The following STEAP3 variants were observed in gnomAD, a reference collection of about 807,000 sequenced individuals.
STEAP3 encodes STEAP3 metalloreductase.
In STEAP3, 35 loss-of-function variants were observed where a neutral mutation model predicts 34.9. The observed-to-expected ratio is 1.00, with a 90% CI of 0.76 to 1.33. The LOEUF is 1.33. Ranked by LOEUF, STEAP3 falls within the 40% of genes most tolerant of loss-of-function variation. STEAP3 has a pLI of 0.00. For synonymous variants in STEAP3, 281 were observed against 301.6 expected (o/e 0.93, Z 0.71); for missense variants, 652 against 667.6 (o/e 0.98, Z 0.26).
chr2:119,235,870 C>T (rs1038819073), intron 2 of STEAP3, among the ~76,000 whole-genome samples: 1 of 152,114 alleles, frequency 6.6e-6, no homozygotes. Flanking sequence ...ACCAGCATCC[C>T]CTAGAGGGCT....
Position 119,235,454 on chromosome 2 carries a change from G to A in STEAP3, c.22+4420G>A, listed in dbSNP as rs545352567. On this transcript the variant is annotated intron_variant, in intron 2 of 5. Coordinates refer to ENST00000393110, the MANE Select transcript of STEAP3 (RefSeq NM_182915.3). ...AAAACTGAGTTGCTCTTGCATGCAA[G>A]TGAGTGGTTAGTTCATTGACTCCGT... Among the ~76,000 whole-genome samples the A allele has an allele frequency of 1.9e-4, 29 of 152,378 alleles. No homozygotes were observed. The South Asian group carries it at 5.6e-3, about 29-fold the overall frequency.
At position 119,248,103 on chromosome 2, in the gene STEAP3, G is replaced by T; in HGVS notation, c.947G>T (p.Gly316Val). The change falls in exon 4 of 6, where the codon GGG (glycine) becomes GTG (valine). Residue 316 changes from glycine to valine, a missense_variant. Coordinates refer to ENST00000393110, the MANE Select transcript of STEAP3 (RefSeq NM_182915.3). ...TGGCTACAGCACCGCAAGCAGATCG[G>T]GCTGCTCAGCTTCTTCTGCGCCGCC... ...DHWLQHRKQI[G>V]LLSFFCAALH... 1 of 1,608,648 alleles carries T rather than the reference G, an allele frequency of 6.2e-7. No individual in the cohort carries two copies. The highest frequency in any genetic ancestry group is 8.5e-7 in the Non-Finnish European group (1 of 1,179,906).
At chr2:119,261,999 G>A (rs1429218071) in intron 5 of STEAP3, among the ~76,000 whole-genome samples, 2 of 152,180 alleles carry the variant, frequency 1.3e-5, no homozygotes, top group East Asian at 3.9e-4. Flanking sequence ...GCCCAGCGGG[G>A]TTTCCACCCG....
intron 5 of STEAP3, among the ~76,000 whole-genome samples, chr2:119,256,485 G>T (rs1346240074): frequency 1.3e-5 from 2 of 152,070 alleles, no homozygotes; most frequent in East Asian, 1.9e-4. Context: ...TCACCAGAAA[G>T]CCGCTCCCTT....
In STEAP3 at chr2:119,245,993, G is replaced by T; in HGVS notation, c.522+5G>T. The T allele has an allele frequency of 3.1e-6, 5 of 1,608,222 alleles. No individual in the cohort carries two copies. The highest frequency in any genetic ancestry group is 4.3e-6 in the Non-Finnish European group (5 of 1,176,382). On this transcript the variant is annotated splice_donor_5th_base_variant and intron_variant, in intron 3 of 5. Transcript: ENST00000393110. The stretch of plus-strand genomic sequence containing the variant: ...CCAAGGGATGGTAACAGGCAGGTAG[G>T]TTCTGGGGGAATAATACCCATCGTA...
intron 1 of STEAP3, among the ~76,000 whole-genome samples, chr2:119,228,355 T>C (rs1400482964): frequency 2.6e-5 from 4 of 152,098 alleles, no homozygotes; most frequent in Non-Finnish European, 5.9e-5. Context: ...CTTGCTGGCA[T>C]CCAGGGGGGC....
At chr2:119,226,614 T>C (rs147283929) in intron 1 of STEAP3, among the ~76,000 whole-genome samples, 2 of 152,126 alleles carry the variant, frequency 1.3e-5, no homozygotes, top group African/African-American at 2.4e-5. Context: ...TTTTCAAACA[T>C]TGGGCTACAG....
chr2:119,226,847 C>T (rs1325587531), intron 1 of STEAP3, among the ~76,000 whole-genome samples: 2 of 152,144 alleles, frequency 1.3e-5, no homozygotes, highest in Non-Finnish European at 2.9e-5. Context: ...TCATTTGTAC[C>T]TGGAGACTCT....
chr2:119,232,614 A>G (rs566270439), intron 2 of STEAP3, among the ~76,000 whole-genome samples: 1 of 152,318 alleles, frequency 6.6e-6, no homozygotes, highest in Non-Finnish European at 1.5e-5. Flanking sequence ...TTTGCATAAA[A>G]TGTGCGCTGC....
At chr2:119,235,596 T>G (rs1677072184) in intron 2 of STEAP3, among the ~76,000 whole-genome samples, 1 of 152,242 alleles carries the variant, frequency 6.6e-6, no homozygotes. Context: ...GTCCTCCAGG[T>G]GACCCTGATG....
At chr2:119,260,006 G>A (rs1460697831) in intron 5 of STEAP3, among the ~76,000 whole-genome samples, 5 of 152,152 alleles carry the variant, frequency 3.3e-5, no homozygotes, top group African/African-American at 7.2e-5. Flanking sequence ...AGCCTCATCC[G>A]CCGAACCTTA....
intron 4 of STEAP3, 55 bp downstream of exon 4, chr2:119,248,261 A>G: frequency 7.2e-7 from 1 of 1,395,124 alleles, no homozygotes; most frequent in East Asian, 2.4e-5. Context: ...CTTGTCCAGC[A>G]CCTCCCCCCC....
intron 4 of STEAP3, among the ~76,000 whole-genome samples, chr2:119,249,616 C>T: frequency 6.6e-6 from 1 of 152,120 alleles, no homozygotes; most frequent in East Asian, 1.9e-4. Context: ...CTCCCCTAAA[C>T]ACCTAGCACA....
chr2:119,258,774 ATTT>A (rs57860527), intron 5 of STEAP3, among the ~76,000 whole-genome samples: 6,743 of 120,958 alleles, frequency 0.056, 391 homozygotes, highest in African/African-American at 0.16. Flanking sequence ...CACCTGGCTA[ATTT>A]TTTTTTTTTT....
intron 5 of STEAP3, chr2:119,257,406 G>T: frequency 7.0e-7 from 1 of 1,421,866 alleles, no homozygotes; most frequent in Non-Finnish European, 9.2e-7. Context: ...GATGGCTCTG[G>T]CAATCTATTT....
In STEAP3 at chr2:119,263,789, T is replaced by G; in HGVS notation, c.*451T>G. The G allele has an allele frequency of 3.4e-6, 1 of 290,384 alleles. No individual in the cohort carries two copies. The highest frequency in any genetic ancestry group is 6.6e-6 in the Non-Finnish European group (1 of 150,802). 18.0% of individuals were successfully genotyped at this position (290,384 alleles called of 1,614,324 possible). A position where few individuals can be genotyped will look rare whatever the true frequency, so the allele number is the denominator to read the frequency against. On this transcript the variant is annotated 3_prime_UTR_variant, in exon 6 of 6. Coordinates refer to ENST00000393110, the MANE Select transcript of STEAP3 (RefSeq NM_182915.3). Reference sequence around the variant, plus strand: ...TACTTCCCCAAGGCTCTTGCAGAGCTAGGGCTCTGAAGGGGAGGGAAGGCA... The same window carrying G: ...TACTTCCCCAAGGCTCTTGCAGAGCGAGGGCTCTGAAGGGGAGGGAAGGCA...
chr2:119,224,881 C>A (rs1358280421), intron 1 of STEAP3, among the ~76,000 whole-genome samples: 5 of 152,198 alleles, frequency 3.3e-5, no homozygotes, highest in Non-Finnish European at 7.3e-5. Context: ...ACCATTATCT[C>A]TTGTTAAAAA....
chr2:119,226,051 T>G (rs1236962392), intron 1 of STEAP3, among the ~76,000 whole-genome samples: 1 of 152,128 alleles, frequency 6.6e-6, no homozygotes, highest in Non-Finnish European at 1.5e-5. Context: ...GCCTAGAGAG[T>G]GGCCTCCAGG....
rs148183589 is a variant in STEAP3 at position 119,258,154 on chromosome 2, C to A, written c.1215+3306C>A. ...TAGACCATATAGGGTAACTTCCTGA[C>A]ATTGCCATGGCATTTGTAAACTGAC... is the stretch of plus-strand genomic sequence containing the variant. On this transcript the variant is annotated intron_variant, in intron 5 of 5. Transcript: ENST00000393110. Among the ~76,000 whole-genome samples the A allele has an allele frequency of 8.7e-3, 1,325 of 152,286 alleles. 8 individuals carry two copies. Among genetic ancestry groups the A allele is most frequent in the East Asian group, 0.021 (107 of 5,180 alleles).
Sources: allele counts gnomAD v4.1 joint callset (sites outside exome capture counted in the v4.1 genomes callset), GRCh38; gene constraint gnomAD v4.1.1; transcripts MANE v1.5; gene names NCBI Gene and HGNC (gene_info 2026-07-23, HGNC 2026-07-21).